MOB3B: variants seen among roughly 807,000 people sequenced by gnomAD.
MOB3B encodes MOB kinase activator 3B.
A neutral mutation model predicts 18.7 loss-of-function variants in MOB3B; 7 were observed. The observed-to-expected ratio is 0.37, with a 90% CI of 0.21 to 0.70. The LOEUF (loss-of-function observed/expected upper bound fraction) is 0.70. Among genes scored for constraint, MOB3B ranks in the 30% least tolerant of loss-of-function variants. MOB3B has a pLI of 0.52. For synonymous variants in MOB3B, 111 were observed against 99.9 expected (o/e 1.11, Z -0.66); for missense variants, 253 against 281.3 (o/e 0.90, Z 0.72).
intron 2 of MOB3B, among the ~76,000 whole-genome samples, chr9:27,376,710 G>A (rs951134469): frequency 1.3e-5 from 2 of 152,232 alleles, no homozygotes; most frequent in Non-Finnish European, 2.9e-5. Flanking sequence ...GATTCTTTAA[G>A]TGTGGTCTCC....
chr9:27,384,323 A>C (rs1295653510), intron 2 of MOB3B, among the ~76,000 whole-genome samples: 1 of 152,176 alleles, frequency 6.6e-6, no homozygotes, highest in Non-Finnish European at 1.5e-5. Context: ...GAATGGTTTA[A>C]GTGCACACCT....
At chr9:27,467,937 A>G (rs2131464297) in intron 1 of MOB3B, among the ~76,000 whole-genome samples, 1 of 152,354 alleles carries the variant, frequency 6.6e-6, no homozygotes, top group East Asian at 1.9e-4. Context: ...ACTTCTTTGA[A>G]GCCACATAGG....
intron 2 of MOB3B, among the ~76,000 whole-genome samples, chr9:27,388,829 C>T (rs1021497092): frequency 1.3e-5 from 2 of 152,158 alleles, no homozygotes; most frequent in Non-Finnish European, 2.9e-5. Flanking sequence ...CAACATCCTC[C>T]GTGTCTTCTT....
intron 1 of MOB3B, among the ~76,000 whole-genome samples, chr9:27,512,329 G>A (rs933892208): frequency 6.6e-6 from 1 of 152,142 alleles, no homozygotes; most frequent in African/African-American, 2.4e-5. Flanking sequence ...AGAACATTAT[G>A]AGATTATTTA....
At chr9:27,362,686 G>A (rs1821290254) in intron 2 of MOB3B, among the ~76,000 whole-genome samples, 1 of 152,174 alleles carries the variant, frequency 6.6e-6, no homozygotes, top group Non-Finnish European at 1.5e-5. Context: ...GAGGTTGGGA[G>A]CCCTCAGGAG....
chr9:27,482,171 C>T (rs1281538426), intron 1 of MOB3B, among the ~76,000 whole-genome samples: 4 of 152,192 alleles, frequency 2.6e-5, no homozygotes, highest in Admixed American at 2.6e-4. Flanking sequence ...CCACTGTGAT[C>T]CCCACCCTGT....
chr9:27,347,777 C>T (rs530824082), intron 3 of MOB3B, among the ~76,000 whole-genome samples: 1 of 152,188 alleles, frequency 6.6e-6, no homozygotes, highest in Admixed American at 6.5e-5. Context: ...CATTTAGATA[C>T]ACAAATACTT....
intron 3 of MOB3B, among the ~76,000 whole-genome samples, chr9:27,352,371 C>CAAAAAAAA (rs372959856): frequency 1.5e-5 from 1 of 68,340 alleles, no homozygotes; most frequent in Non-Finnish European, 3.3e-5. Flanking sequence ...GACCCTGTCT[C>CAAAAAAAA]AAAAAAAAAA....
At chr9:27,381,679 C>T (rs1183888343) in intron 2 of MOB3B, among the ~76,000 whole-genome samples, 1 of 152,144 alleles carries the variant, frequency 6.6e-6, no homozygotes, top group African/African-American at 2.4e-5. Flanking sequence ...CAGGGTCTCA[C>T]TCTGTTGTCC....
intron 2 of MOB3B, among the ~76,000 whole-genome samples, chr9:27,410,480 A>T (rs1822050174): frequency 6.8e-6 from 1 of 147,588 alleles, no homozygotes; most frequent in African/African-American, 2.5e-5. Context: ...CCTAGAAAAG[A>T]TTTTTTTTTT....
chr9:27,439,006 TG>T (rs1822558038), intron 2 of MOB3B, among the ~76,000 whole-genome samples: 1 of 152,172 alleles, frequency 6.6e-6, no homozygotes, highest in African/African-American at 2.4e-5. Context: ...GCTTCTACTA[TG>T]GGAGAAAAAC....
At chr9:27,367,953 A>T (rs528059231) in intron 2 of MOB3B, among the ~76,000 whole-genome samples, 1 of 152,132 alleles carries the variant, frequency 6.6e-6, no homozygotes, top group Non-Finnish European at 1.5e-5. Context: ...TGAAACTGTT[A>T]TTCATGTCTG....
chr9:27,517,975 AC>A (rs1820264726), intron 1 of MOB3B, among the ~76,000 whole-genome samples: 1 of 151,854 alleles, frequency 6.6e-6, no homozygotes, highest in South Asian at 2.1e-4. Context: ...CACTTAGTCC[AC>A]CCCCTTGCTC....
At chr9:27,413,305 C>A (rs927123970) in intron 2 of MOB3B, among the ~76,000 whole-genome samples, 4 of 151,920 alleles carry the variant, frequency 2.6e-5, no homozygotes, top group African/African-American at 7.3e-5. Flanking sequence ...TTCTCCATTT[C>A]ATTCTCGTTA....
intron 1 of MOB3B, among the ~76,000 whole-genome samples, chr9:27,504,598 A>G (rs1820032316): frequency 6.6e-6 from 1 of 152,196 alleles, no homozygotes; most frequent in Admixed American, 6.5e-5. Flanking sequence ...AGCAGGGCAC[A>G]CTAGCCAGAG....
chr9:27,476,915 G>A (rs1340907743), intron 1 of MOB3B, among the ~76,000 whole-genome samples: 3 of 152,140 alleles, frequency 2.0e-5, no homozygotes, highest in Admixed American at 2.0e-4. Context: ...AGGTGGCTTG[G>A]ACTCAAAGAC....
chr9:27,371,488 C>G (rs149069806), intron 2 of MOB3B, among the ~76,000 whole-genome samples: 3 of 152,188 alleles, frequency 2.0e-5, no homozygotes, highest in African/African-American at 7.2e-5. Flanking sequence ...TGTAAGATCC[C>G]GCGAAGGTAA....
In MOB3B at chr9:27,359,114, G is replaced by A; in HGVS notation, c.541C>T (p.His181Tyr). The change falls in exon 3 of 4, where the codon CAT becomes TAT. Residue 181 changes from histidine (H) to tyrosine (Y), a missense_variant. Transcript: ENST00000262244. Reference sequence around the variant, plus strand: ...AAGTGTTTGTAGCAGGTGTTGACATGGGCCTCTGCACCCATCACAATGACC... The same window carrying A: ...AAGTGTTTGTAGCAGGTGTTGACATAGGCCTCTGCACCCATCACAATGACC... Reference protein sequence around the residue: ...DRVIVMGAEAHVNTCYKHFYY... With the variant: ...DRVIVMGAEAYVNTCYKHFYY... The A allele has an allele frequency of 6.2e-7, 1 of 1,614,120 alleles. No individual in the cohort carries two copies. Among genetic ancestry groups the A allele is most frequent in the East Asian group, 2.2e-5 (1 of 44,880 alleles).
intron 2 of MOB3B, among the ~76,000 whole-genome samples, chr9:27,362,289 C>CT (rs1199257961): frequency 6.6e-6 from 1 of 152,032 alleles, no homozygotes; most frequent in Non-Finnish European, 1.5e-5. Context: ...CTTATGTAGC[C>CT]TATGTAGCTA....
Sources: gnomAD v4.1 joint callset for allele counts (sites outside exome capture counted in the v4.1 genomes callset) on GRCh38, gnomAD v4.1.1 for gene constraint, MANE v1.5 for transcripts, NCBI Gene and HGNC (gene_info 2026-07-23, HGNC 2026-07-21) for gene names.